Variants in LRP1B observed in about 807,000 individuals in gnomAD.
LRP1B encodes LDL receptor related protein 1B.
A neutral mutation model predicts 556.6 loss-of-function variants in LRP1B; 217 were observed. That is an observed-to-expected ratio of 0.39 (90% confidence interval 0.35 to 0.44). LRP1B has a LOEUF of 0.44. LRP1B is among the 20% of genes least tolerant of loss of function. LRP1B has a pLI of 1.00. For synonymous variants in LRP1B, 2,047 were observed against 1,865.8 expected, an observed-to-expected ratio of 1.10 and a Z score of -2.50; for missense variants, 5,053 against 5,620.8, an observed-to-expected ratio of 0.90 and a Z score of 3.23.
intron 41 of LRP1B, among the ~76,000 whole-genome samples, chr2:140,619,698 G>T (rs182653594): frequency 6.6e-6 from 1 of 152,110 alleles, no homozygotes; most frequent in Non-Finnish European, 1.5e-5. Context: ...TTTATGATTT[G>T]TTGGAAAGAA....
intron 7 of LRP1B, among the ~76,000 whole-genome samples, chr2:141,152,272 A>C (rs1394595385): frequency 2.6e-5 from 4 of 152,046 alleles, no homozygotes; most frequent in Non-Finnish European, 5.9e-5. Context: ...TGTAGTGAGA[A>C]TGTTTGTAAA....
rs139051038 is a variant in LRP1B, at chr2:140,961,102, T to C, written c.2888-9162A>G. Among the ~76,000 whole-genome samples the C allele has an allele frequency of 7.2e-3, 1,101 of 152,084 alleles. 9 individuals are homozygous for C. The highest frequency in any genetic ancestry group is 0.023 in the African/African-American group (971 of 41,562). ...CCAACAATATGAGATAGATTTTATGTTTGCCAATTTACATATAAACAAGTA... is the reference window on the plus strand; with the variant it reads ...CCAACAATATGAGATAGATTTTATGCTTGCCAATTTACATATAAACAAGTA... On this transcript the variant is annotated intron_variant, in intron 18 of 90. Coordinates refer to ENST00000389484, the MANE Select transcript of LRP1B (RefSeq NM_018557.3).
intron 1 of LRP1B, among the ~76,000 whole-genome samples, chr2:141,843,275 C>T (rs1157138872): frequency 6.6e-6 from 1 of 152,078 alleles, no homozygotes; most frequent in African/African-American, 2.4e-5. Context: ...TGGAATGAAG[C>T]AAGCATTTAA....
At chr2:140,508,684 T>C (rs947186825) in intron 52 of LRP1B, among the ~76,000 whole-genome samples, 1 of 152,182 alleles carries the variant, frequency 6.6e-6, no homozygotes, top group Non-Finnish European at 1.5e-5. Context: ...TTCCGATACA[T>C]GGATTAATCT....
intron 3 of LRP1B, among the ~76,000 whole-genome samples, chr2:141,408,682 T>G (rs1050891666): frequency 1.9e-5 from 1 of 52,906 alleles, no homozygotes; most frequent in African/African-American, 1.3e-4. Flanking sequence ...AATTTAGTTA[T>G]TTTAGTTTAT....
At chr2:140,907,754 T>G in intron 22 of LRP1B, 123 bp downstream of exon 22, 2 of 853,336 alleles carry the variant, frequency 2.3e-6, no homozygotes, top group Non-Finnish European at 3.9e-6. Flanking sequence ...CAAGGTTCAA[T>G]GCTAAAAGCT....
intron 3 of LRP1B, among the ~76,000 whole-genome samples, chr2:141,304,983 G>T (rs79202611): frequency 0.021 from 3,199 of 152,074 alleles, 115 homozygotes; most frequent in African/African-American, 0.073. Flanking sequence ...CCAATATTAC[G>T]CTATGTTAAT....
intron 11 of LRP1B, among the ~76,000 whole-genome samples, chr2:141,031,105 T>A (rs1427730999): frequency 6.6e-6 from 1 of 151,964 alleles, no homozygotes; most frequent in East Asian, 1.9e-4. Context: ...CAAATGCTAC[T>A]GTTATACAGC....
chr2:142,006,675 G>GT (rs1702811836), intron 1 of LRP1B, among the ~76,000 whole-genome samples: 1 of 152,108 alleles, frequency 6.6e-6, no homozygotes, highest in African/African-American at 2.4e-5. Context: ...TAAATATACA[G>GT]TTTTTGAAAT....
chr2:141,579,106 C>A (rs528632809), intron 2 of LRP1B, among the ~76,000 whole-genome samples: 2 of 152,124 alleles, frequency 1.3e-5, no homozygotes, highest in Non-Finnish European at 1.5e-5. Context: ...ATACATAGGT[C>A]GGCTTTTTCT....
intron 18 of LRP1B, among the ~76,000 whole-genome samples, chr2:140,966,900 G>A (rs4954681): frequency 0.8 from 122,131 of 151,984 alleles, 49,794 homozygotes; most frequent in Non-Finnish European, 0.87. Flanking sequence ...CCATTGGTCT[G>A]TATCTCTGTT....
chr2:140,785,024 C>T (rs1240295202), intron 32 of LRP1B, among the ~76,000 whole-genome samples: 1 of 151,656 alleles, frequency 6.6e-6, no homozygotes, highest in Non-Finnish European at 1.5e-5. Flanking sequence ...TCATGAAATG[C>T]CAGAATAAAG....
chr2:141,256,182 C>A (rs1252118720), intron 3 of LRP1B, among the ~76,000 whole-genome samples: 1 of 151,796 alleles, frequency 6.6e-6, no homozygotes, highest in Admixed American at 6.6e-5. Context: ...ATCTGAGAAA[C>A]AGTTGTAGAA....
intron 7 of LRP1B, among the ~76,000 whole-genome samples, chr2:141,171,762 G>T (rs925446275): frequency 6.6e-6 from 1 of 152,090 alleles, no homozygotes; most frequent in South Asian, 2.1e-4. Flanking sequence ...GTAGGTAATT[G>T]CACCTCTCCA....
At chr2:141,149,824 T>A (rs1047671386) in intron 7 of LRP1B, among the ~76,000 whole-genome samples, 6 of 152,126 alleles carry the variant, frequency 3.9e-5, no homozygotes, top group Admixed American at 2.0e-4. Context: ...GAGTTGGGAT[T>A]TAAAAGCAAT....
intron 6 of LRP1B, among the ~76,000 whole-genome samples, chr2:141,215,475 A>T (rs780277968): frequency 2.6e-5 from 4 of 152,122 alleles, no homozygotes; most frequent in Non-Finnish European, 5.9e-5. Flanking sequence ...ACAGGAAGAG[A>T]TTGGAAGAGT....
chr2:140,616,435 A>G (rs1683259109), intron 41 of LRP1B, among the ~76,000 whole-genome samples: 1 of 151,264 alleles, frequency 6.6e-6, no homozygotes, highest in Non-Finnish European at 1.5e-5. Context: ...TTAAATTTGG[A>G]TTTCAAAAAT....
At chr2:141,083,410 G>T (rs1303991584) in intron 7 of LRP1B, among the ~76,000 whole-genome samples, 1 of 150,954 alleles carries the variant, frequency 6.6e-6, no homozygotes, top group Non-Finnish European at 1.5e-5. Context: ...AAAGAACTTT[G>T]CTCAGTGAAT....
intron 66 of LRP1B, among the ~76,000 whole-genome samples, chr2:140,431,492 C>T (rs1034084695): frequency 3.9e-5 from 6 of 152,146 alleles, no homozygotes; most frequent in Non-Finnish European, 8.8e-5. Flanking sequence ...ACATGCCCTG[C>T]TCTTGCTTAC....
Sources: gnomAD v4.1 joint callset for allele counts (sites outside exome capture counted in the v4.1 genomes callset) on GRCh38, gnomAD v4.1.1 for gene constraint, MANE v1.5 for transcripts, NCBI Gene and HGNC (gene_info 2026-07-23, HGNC 2026-07-21) for gene names.